Variants in HIVEP3 observed in about 807,000 individuals in gnomAD.
HIVEP3 encodes transcription factor HIVEP3.
Under a neutral mutation model 152.8 loss-of-function variants are expected in HIVEP3, and 49 were observed. The observed-to-expected ratio is 0.32, with a 90% CI of 0.26 to 0.41. The LOEUF (loss-of-function observed/expected upper bound fraction) is 0.41, where lower values mean the gene tolerates loss of function less well. Among genes scored for constraint, HIVEP3 ranks in the 10% least tolerant of loss-of-function variants. The pLI, the probability that HIVEP3 is intolerant of heterozygous loss-of-function variation, is 1.00. For synonymous variants in HIVEP3, 1,269 were observed against 1,289.0 expected, an observed-to-expected ratio of 0.98 and a Z score of 0.33; for missense variants, 2,790 against 3,103.3, an observed-to-expected ratio of 0.90 and a Z score of 2.40.
chr1:41,661,875 G>A (rs546672047), intron 2 of HIVEP3, among the ~76,000 whole-genome samples: 11 of 152,330 alleles, frequency 7.2e-5, no homozygotes, highest in South Asian at 2.1e-4. Flanking sequence ...TCGCCCTAGG[G>A]TGGTGACAGA....
rs1481804363 is a variant in HIVEP3 at position 41,513,387 on chromosome 1, G to T, written c.5834C>A (p.Ala1945Asp). The stretch of plus-strand genomic sequence containing the variant: ...GTCTTTCTCCACAGAGCCCAGAGGG[G>T]CCGGTCCCAGCCAGGGGAGGCCCGG... ...SMPGLPWLGP[A>D]PLGSVEKDTG... The change falls in exon 8 of 9, where the codon GCC becomes GAC. Residue 1945 changes from alanine (A) to aspartate (D), a missense_variant. By Grantham distance (126) the Ala-to-Asp change is moderately radical. Coordinates refer to ENST00000372583, the MANE Select transcript of HIVEP3 (RefSeq NM_024503.5). The T allele has an allele frequency of 6.2e-7, 1 of 1,611,828 alleles. No individual in the cohort carries two copies. The highest frequency in any genetic ancestry group is 8.5e-7 in the Non-Finnish European group (1 of 1,179,166).
intron 1 of HIVEP3, among the ~76,000 whole-genome samples, chr1:41,949,524 A>G (rs1208195225): frequency 1.3e-5 from 2 of 152,162 alleles, no homozygotes; most frequent in African/African-American, 2.4e-5. Flanking sequence ...GAATGCTGTT[A>G]TTATGTTAAT....
intron 1 of HIVEP3, among the ~76,000 whole-genome samples, chr1:41,990,682 A>C (rs891708940): frequency 1.3e-5 from 2 of 151,730 alleles, no homozygotes; most frequent in Admixed American, 6.6e-5. Flanking sequence ...CTCCACCACA[A>C]ATCAACAGAA....
chr1:41,696,507 C>A (rs1013072169), intron 2 of HIVEP3, among the ~76,000 whole-genome samples: 1 of 152,238 alleles, frequency 6.6e-6, no homozygotes, highest in African/African-American at 2.4e-5. Flanking sequence ...CCAAGGCCAG[C>A]GGGCCTGAGA....
chr1:41,593,753 C>G (rs1407261047), intron 3 of HIVEP3, among the ~76,000 whole-genome samples: 1 of 152,252 alleles, frequency 6.6e-6, no homozygotes, highest in Non-Finnish European at 1.5e-5. Context: ...GAAATTACCA[C>G]AAATTTAGTG....
At chr1:41,618,589 T>G (rs1645002555) in intron 3 of HIVEP3, among the ~76,000 whole-genome samples, 1 of 152,234 alleles carries the variant, frequency 6.6e-6, no homozygotes, top group East Asian at 1.9e-4. Context: ...TCCCGTTCTT[T>G]CCCTTTCGGT....
At chr1:41,972,264 C>A (rs1233946919) in intron 1 of HIVEP3, among the ~76,000 whole-genome samples, 2 of 152,218 alleles carry the variant, frequency 1.3e-5, no homozygotes, top group Non-Finnish European at 2.9e-5. Flanking sequence ...TCCCACTGTA[C>A]CCAGTAACAA....
At chr1:41,579,003 G>T (rs139597688) in intron 4 of HIVEP3, among the ~76,000 whole-genome samples, 3 of 152,312 alleles carry the variant, frequency 2.0e-5, no homozygotes, top group African/African-American at 7.2e-5. Flanking sequence ...TGAAATTATT[G>T]AATTTCAAAC....
At chr1:41,994,160 AAAAAAT>A (rs1355849879) in intron 1 of HIVEP3, among the ~76,000 whole-genome samples, 1 of 152,042 alleles carries the variant, frequency 6.6e-6, no homozygotes, top group Admixed American at 6.5e-5. Context: ...TAATAAAAGA[AAAAAAT>A]AAAAATAAAG....
intron 1 of HIVEP3, among the ~76,000 whole-genome samples, chr1:41,748,709 G>A (rs764647389): frequency 6.6e-6 from 1 of 152,190 alleles, no homozygotes; most frequent in Non-Finnish European, 1.5e-5. Flanking sequence ...TCACCCAGCT[G>A]GCTTGCTGAA....
chr1:41,775,583 T>C (rs532060906), intron 1 of HIVEP3, among the ~76,000 whole-genome samples: 39 of 152,212 alleles, frequency 2.6e-4, no homozygotes, highest in African/African-American at 9.4e-4. Context: ...CTCCACCTCC[T>C]GGGTTCAAAC....
At chr1:41,984,789 A>G (rs1226296290) in intron 1 of HIVEP3, among the ~76,000 whole-genome samples, 1 of 152,188 alleles carries the variant, frequency 6.6e-6, no homozygotes. Flanking sequence ...TCATTTCATT[A>G]TATATCCCAC....
rs538583517 is a variant in HIVEP3, at chr1:41,560,293, G to A, written c.5207+15251C>T. Reference sequence around the variant, plus strand: ...TAAACAACTTTTGTGTGAGGCGCAGGGCCAGGATTTGAACCCAGGTGTGCT... The same window carrying A: ...TAAACAACTTTTGTGTGAGGCGCAGAGCCAGGATTTGAACCCAGGTGTGCT... On this transcript the variant is annotated intron_variant, in intron 5 of 8. Transcript: ENST00000372583. Among the ~76,000 whole-genome samples, 60 of 152,262 alleles carry A rather than the reference G, an allele frequency of 3.9e-4. 1 individual carries two copies. Among genetic ancestry groups the A allele is most frequent in the African/African-American group, 1.4e-3 (59 of 41,548 alleles).
intron 1 of HIVEP3, among the ~76,000 whole-genome samples, chr1:41,710,642 A>G (rs1185681939): frequency 6.6e-6 from 1 of 152,106 alleles, no homozygotes; most frequent in East Asian, 1.9e-4. Context: ...GCCCCCGCCC[A>G]GGCTTCCCTG....
At chr1:41,920,259 G>A (rs1644930467), upstream of HIVEP3, among the ~76,000 whole-genome samples, 1 of 152,174 alleles carries the variant, frequency 6.6e-6, no homozygotes, top group Non-Finnish European at 1.5e-5. Context: ...ACAGCGTGGA[G>A]CTGGCTCTCC....
upstream of HIVEP3, among the ~76,000 whole-genome samples, chr1:41,919,135 T>TTA (rs370753363): frequency 0.021 from 3,133 of 151,790 alleles, 101 homozygotes; most frequent in African/African-American, 0.071. Context: ...TGCACACATA[T>TTA]TATATATATA....
chr1:41,809,380 GC>G (rs1650817754), intron 1 of HIVEP3, among the ~76,000 whole-genome samples: 1 of 152,164 alleles, frequency 6.6e-6, no homozygotes, highest in Admixed American at 6.6e-5. Flanking sequence ...CGGTCTTCAT[GC>G]CATCACTTGC....
At chr1:41,710,400 G>T (rs925500758) in intron 1 of HIVEP3, among the ~76,000 whole-genome samples, 1 of 152,192 alleles carries the variant, frequency 6.6e-6, no homozygotes, top group African/African-American at 2.4e-5. Flanking sequence ...GGTCGCGCCA[G>T]CTCTGACATC....
At chr1:41,642,457 T>C (rs924829841) in intron 2 of HIVEP3, among the ~76,000 whole-genome samples, 8 of 152,192 alleles carry the variant, frequency 5.3e-5, no homozygotes, top group Admixed American at 2.0e-4. Flanking sequence ...GCCCACCTCA[T>C]AGGCCTCCTC....
Sources: gnomAD v4.1 joint callset for allele counts (sites outside exome capture counted in the v4.1 genomes callset) on GRCh38, gnomAD v4.1.1 for gene constraint, MANE v1.5 for transcripts, NCBI Gene and HGNC (gene_info 2026-07-23, HGNC 2026-07-21) for gene names.